Variants in CARS2 observed in about 807,000 individuals in gnomAD.
CARS2 encodes cysteinyl-tRNA synthetase 2, mitochondrial, also known as probable cysteine--tRNA ligase, mitochondrial.
CARS2 carries 52 observed loss-of-function variants against 68.8 expected under a neutral mutation model. The ratio of observed to expected loss-of-function variants is 0.76; its 90% CI spans 0.61 to 0.95. The LOEUF is 0.95. CARS2 is among the 40% of genes least tolerant of loss of function. The probability of loss-of-function intolerance (pLI) is 0.00; values close to 1 mark genes in which losing one functional copy is unlikely to be tolerated. For synonymous variants in CARS2, 314 were observed against 303.6 expected (o/e 1.03, Z -0.36); for missense variants, 780 against 754.2 (o/e 1.03, Z -0.40).
chr13:110,705,937 G>C lies in CARS2; in HGVS notation c.157C>G (p.Gln53Glu). 1 of 1,568,366 alleles carries C rather than the reference G, an allele frequency of 6.4e-7. No homozygotes were observed. The highest frequency in any genetic ancestry group is 8.6e-7 in the Non-Finnish European group (1 of 1,160,108). Residue 53 changes from glutamine to glutamate, a missense_variant, in exon 1 of 15, where the codon CAG becomes GAG. Transcript: ENST00000257347. The surrounding 1 kb of genome is among the most constrained non-coding windows in gnomAD (Gnocchi z 4.0). ...CTCCCGGTGAGGCTGTTGTACACCT[G>C]CACACCCGTCTCCCGGCCCGTGGGC... ...LQPTGRETGV[Q>E]VYNSLTGRKE... is the part of the protein sequence containing the mutation.
rs1346369040 is a variant in CARS2 at position 110,670,634 on chromosome 13, A to G, written c.786-3161T>C. ...CCAGAGCAGAAAAGCTGAAAATTCT[A>G]AAAATCAGAGCGCCTCTTCTCCTCC... On this transcript the variant is annotated intron_variant, in intron 7 of 14. Coordinates refer to ENST00000257347, the MANE Select transcript of CARS2 (RefSeq NM_024537.4). This position sits in a 1 kb window ranked among gnomAD's most constrained non-coding sequence, Gnocchi z 4.1. Among the ~76,000 whole-genome samples the G allele has an allele frequency of 6.6e-6, 1 of 152,226 alleles. No homozygotes were observed.
In CARS2 at chr13:110,676,784, G is replaced by C. The variant is rs1172198848; in HGVS notation, c.785+190C>G. 1.3e-5 allele frequency among the ~76,000 whole-genome samples: 2 copies of C among 152,134 alleles called. No homozygotes were observed. The highest frequency in any genetic ancestry group is 4.8e-5 in the African/African-American group (2 of 41,404). On this transcript the variant is annotated intron_variant, in intron 7 of 14. Coordinates refer to ENST00000257347, the MANE Select transcript of CARS2 (RefSeq NM_024537.4). This position sits in a 1 kb window ranked among gnomAD's most constrained non-coding sequence, Gnocchi z 4.0. ...CAGAGGAAGTGCTGAGGTCAGGAAA[G>C]CTTGATGTGTCATGGGTTTCGTTCA...
intron 7 of CARS2, among the ~76,000 whole-genome samples, chr13:110,675,109 G>A (rs1241485865): frequency 6.6e-6 from 1 of 152,088 alleles, no homozygotes; most frequent in South Asian, 2.1e-4. Flanking sequence ...CACTGTTGGT[G>A]GGACTGTAAA....
upstream of CARS2, chr13:110,706,447 T>G (rs2063962531): frequency 1.2e-5 from 2 of 170,288 alleles, no homozygotes; most frequent in Admixed American, 1.3e-4. Context: ...TGGAGCTGTG[T>G]CCGCCGCGCG....
chr13:110,702,624 G>C (rs1401458160), intron 2 of CARS2, among the ~76,000 whole-genome samples: 2 of 152,224 alleles, frequency 1.3e-5, no homozygotes, highest in Non-Finnish European at 2.9e-5. Flanking sequence ...AGGAGCCCAG[G>C]CTGAGTCCCG....
rs1019467802 is a variant in CARS2, at chr13:110,705,968, C to G, written c.126G>C (p.Trp42Cys). 5.9e-6 allele frequency: 9 copies of G among 1,522,028 alleles called. No homozygotes were observed. Among genetic ancestry groups the G allele is most frequent in the Non-Finnish European group, 7.9e-6 (9 of 1,138,888 alleles). The allele number at this position is 1,522,028 out of a possible 1,614,324, so 94.3% of individuals were successfully genotyped here. A position where few individuals can be genotyped will look rare whatever the true frequency, so the allele number is the denominator to read the frequency against. ...CCGTCTCCCGGCCCGTGGGCTGCAG[C>G]CAGGCCCGCCCGCGCCCCCCGCTCG... ...RAASGGRGRA[W>C]LQPTGRETGV... Residue 42 changes from tryptophan (W) to cysteine (C), a missense_variant, in exon 1 of 15, where the codon TGG becomes TGC. Physicochemically the swap from Trp to Cys is radical, Grantham distance 215. Coordinates refer to ENST00000257347, the MANE Select transcript of CARS2 (RefSeq NM_024537.4). This position sits in a 1 kb window ranked among gnomAD's most constrained non-coding sequence, Gnocchi z 4.0.
At chr13:110,689,511 G>A (rs1437772690) in intron 3 of CARS2, among the ~76,000 whole-genome samples, 2 of 152,242 alleles carry the variant, frequency 1.3e-5, no homozygotes, top group African/African-American at 4.8e-5. Context: ...GCAAGCTGGT[G>A]AACTATGCGT....
chr13:110,687,904 G>A lies in CARS2; in HGVS notation c.465+43C>T, dbSNP rs200308960. On this transcript the variant is annotated intron_variant, in intron 4 of 14. Coordinates refer to ENST00000257347, the MANE Select transcript of CARS2 (RefSeq NM_024537.4). ...GCCAGCACCAGCTGTCATTGCTCAC[G>A]CCTGTCACCCTCATGGCAGGAACAA... 1.6e-4 allele frequency: 245 copies of A among 1,567,160 alleles called. No individual in the cohort carries two copies. The East Asian group carries it at 3.2e-3, about 20-fold the overall frequency.
At chr13:110,709,038 C>T (rs116091565), upstream of CARS2, among the ~76,000 whole-genome samples, 830 of 151,476 alleles carry the variant, frequency 5.5e-3, 13 homozygotes, top group African/African-American at 0.019. Flanking sequence ...GTGGGAATAC[C>T]GGCCTAAGCC....
At chr13:110,663,325 G>T in intron 9 of CARS2, 126 bp downstream of exon 9, 1 of 937,020 alleles carries the variant, frequency 1.1e-6, no homozygotes, top group Non-Finnish European at 1.6e-6. Flanking sequence ...GGCAGGTCTC[G>T]TCATAAGAAA....
intron 3 of CARS2, among the ~76,000 whole-genome samples, chr13:110,698,444 C>T (rs546845121): frequency 7.9e-5 from 12 of 151,500 alleles, no homozygotes; most frequent in East Asian, 3.9e-4. Flanking sequence ...CGCCTGACCC[C>T]GGGATGTGGA....
intron 9 of CARS2, chr13:110,662,831 G>A (rs957132082): frequency 1.5e-5 from 5 of 331,300 alleles, no homozygotes; most frequent in Admixed American, 3.8e-5. Context: ...CTATTTAGGC[G>A]GTGAGATCTG....
chr13:110,713,418 C>T, exon 1 of CARS2: 2 of 1,007,590 alleles, frequency 2.0e-6, no homozygotes, highest in Non-Finnish European at 2.4e-6. Flanking sequence ...ACAGGCTCTG[C>T]CTCCAAGTGC....
chr13:110,689,659 C>T (rs561440121), intron 3 of CARS2, among the ~76,000 whole-genome samples: 7 of 152,274 alleles, frequency 4.6e-5, no homozygotes, highest in South Asian at 2.1e-4. Context: ...TGTGTATATA[C>T]GGGCAGGACA....
chr13:110,669,830 C>T (rs762928353), intron 7 of CARS2, among the ~76,000 whole-genome samples: 23 of 152,110 alleles, frequency 1.5e-4, no homozygotes, highest in Admixed American at 2.0e-4. Context: ...CTGTGACAGA[C>T]GGTACCTGGA....
At chr13:110,681,708 GCTGTAAATTCAGACA>G (rs1343706600) in intron 6 of CARS2, among the ~76,000 whole-genome samples, 2 of 152,198 alleles carry the variant, frequency 1.3e-5, no homozygotes, top group Non-Finnish European at 2.9e-5. Context: ...TGCTTAAGCT[GCTGTAAATTCAGACA>G]CTGGGACGTG....
chr13:110,642,253 C>A, intron 14 of CARS2, 62 bp downstream of exon 14: 1 of 1,324,130 alleles, frequency 7.6e-7, no homozygotes, highest in Non-Finnish European at 1.1e-6. Flanking sequence ...TCTGATGGCC[C>A]CACGTCCTGT....
At chr13:110,673,628 G>A (rs565039371) in intron 7 of CARS2, among the ~76,000 whole-genome samples, 10 of 152,240 alleles carry the variant, frequency 6.6e-5, no homozygotes, top group African/African-American at 2.4e-4. Context: ...GCAAAAACTG[G>A]AAGCATTCCC....
chr13:110,692,315 C>T (rs1234239668), intron 3 of CARS2, among the ~76,000 whole-genome samples: 1 of 151,606 alleles, frequency 6.6e-6, no homozygotes, highest in Non-Finnish European at 1.5e-5. Context: ...ACTAAAAATA[C>T]AGAAAATTAG....
Sources: gnomAD v4.1 joint callset for allele counts (sites outside exome capture counted in the v4.1 genomes callset) on GRCh38, gnomAD v4.1.1 for gene constraint, Gnocchi (gnomAD v3.1) non-coding constraint, MANE v1.5 for transcripts, NCBI Gene and HGNC (gene_info 2026-07-23, HGNC 2026-07-21) for gene names.